The following ZNF462 variants were observed in gnomAD, a reference collection of about 807,000 sequenced individuals.
ZNF462 encodes the protein zinc finger protein 462, also known as zinc finger PBX1-interacting protein.
A neutral mutation model predicts 201.9 loss-of-function variants in ZNF462; 10 were observed. That is an observed-to-expected ratio of 0.05 (90% CI 0.03 to 0.08). The LOEUF is 0.08. Ranked by LOEUF, ZNF462 falls within the 10% of genes least tolerant of loss-of-function variation. ZNF462 has a pLI of 1.00. For synonymous variants in ZNF462, 1,227 were observed against 1,193.3 expected (o/e 1.03, Z -0.58); for missense variants, 2,523 against 3,168.3 (o/e 0.80, Z 4.89).
Position 106,939,048 on chromosome 9 carries a change from C to T in ZNF462, c.6368C>T (p.Ser2123Leu), listed in dbSNP as rs1830752455. ...CCACGGATCGTCAGTCTCCTCTCCTCACACTCCCACCACTCCTCCCAAAAA... is the reference window on the plus strand; with the variant it reads ...CCACGGATCGTCAGTCTCCTCTCCTTACACTCCCACCACTCCTCCCAAAAA... ...PRPRIVSLLSSHSHHSSQKAT... is the reference protein window; with the variant it reads ...PRPRIVSLLSLHSHHSSQKAT... Residue 2123 changes from serine to leucine, a missense_variant, in exon 7 of 13, where the codon TCA becomes TTA. Physicochemically the swap from Ser to Leu is moderately radical, Grantham distance 145. Coordinates refer to ENST00000277225, the MANE Select transcript of ZNF462 (RefSeq NM_021224.6). 4 of 1,613,916 alleles carry T rather than the reference C, an allele frequency of 2.5e-6. No individual in the cohort carries two copies. Among genetic ancestry groups the T allele is most frequent in the Non-Finnish European group, 2.5e-6 (3 of 1,179,908 alleles).
intron 1 of ZNF462, among the ~76,000 whole-genome samples, chr9:106,891,467 A>C (rs1419403059): frequency 6.6e-6 from 1 of 152,144 alleles, no homozygotes; most frequent in Non-Finnish European, 1.5e-5. Flanking sequence ...GAAACATAGT[A>C]AGTGGCCAGA....
At position 106,977,703 on chromosome 9, in the gene ZNF462, A is replaced by T. The variant is rs561243746; in HGVS notation, c.6832+3430A>T. The stretch of plus-strand genomic sequence containing the variant: ...CGTAGTATAGACAAGACAGTGAGTG[A>T]TGGGTATCTAGGTATATTTCTGTTT... On this transcript the variant is annotated intron_variant, in intron 9 of 12. Coordinates refer to ENST00000277225, the MANE Select transcript of ZNF462 (RefSeq NM_021224.6). The surrounding 1 kb of genome is among the most constrained non-coding windows in gnomAD (Gnocchi z 4.6). 6.6e-6 allele frequency among the ~76,000 whole-genome samples: 1 copy of T among 151,486 alleles called. No individual in the cohort carries two copies. The highest frequency in any genetic ancestry group is 2.5e-5 in the African/African-American group (1 of 40,798).
rs1264471236 is a variant in ZNF462 at position 106,905,128 on chromosome 9, A to G, written c.-30-18226A>G. Among the ~76,000 whole-genome samples the G allele has an allele frequency of 3.3e-5, 5 of 152,156 alleles. No homozygotes were observed. The highest frequency in any genetic ancestry group is 7.4e-5 in the Non-Finnish European group (5 of 68,016). On this transcript the variant is annotated intron_variant, in intron 1 of 12. Coordinates refer to ENST00000277225, the MANE Select transcript of ZNF462 (RefSeq NM_021224.6). The surrounding 1 kb of genome is among the most constrained non-coding windows in gnomAD (Gnocchi z 5.9). ...CCCAAGGGGTGTTCCCTTGATGTGT[A>G]GTACTCTCCCCCTTTTCCTATGGAT...
intron 1 of ZNF462, among the ~76,000 whole-genome samples, chr9:106,922,441 G>A (rs771007714): frequency 2.6e-5 from 4 of 152,136 alleles, no homozygotes; most frequent in Non-Finnish European, 4.4e-5. Context: ...TTTATTCCAC[G>A]GTAGGTTCAC....
At chr9:106,889,934 C>T (rs1828502449) in intron 1 of ZNF462, among the ~76,000 whole-genome samples, 1 of 152,180 alleles carries the variant, frequency 6.6e-6, no homozygotes, top group Admixed American at 6.5e-5. Flanking sequence ...TATTGGCTTA[C>T]CCAGGTGATT....
Position 106,924,323 on chromosome 9 carries a change from G to T in ZNF462, c.411G>T (p.Gly137=). ...TRKVHGAQAE[G]SSSGPPVPGS... ...AGGTCCATGGAGCTCAAGCTGAAGG[G>T]AGTTCATCAGGACCCCCTGTCCCGG... Residue 137 remains glycine (G), a synonymous_variant, in exon 3 of 13, where the codon GGG becomes GGT. Transcript: ENST00000277225. This position sits in a 1 kb window ranked among gnomAD's most constrained non-coding sequence, Gnocchi z 6.2. The T allele has an allele frequency of 1.2e-6, 2 of 1,614,110 alleles. No individual in the cohort carries two copies. Among genetic ancestry groups the T allele is most frequent in the Non-Finnish European group, 1.7e-6 (2 of 1,180,026 alleles).
rs545257794 is a variant in ZNF462, at chr9:107,009,142, T to A, written c.7190-403T>A. 1 of 173,478 alleles carries A rather than the reference T, an allele frequency of 5.8e-6. No homozygotes were observed. Among genetic ancestry groups the A allele is most frequent in the East Asian group, 1.5e-4 (1 of 6,618 alleles). The allele number at this position is 173,478 out of a possible 1,614,324, so 10.7% of individuals were successfully genotyped here. On this transcript the variant is annotated intron_variant, in intron 11 of 12. Transcript: ENST00000277225. This position sits in a 1 kb window ranked among gnomAD's most constrained non-coding sequence, Gnocchi z 6.1. Reference sequence around the variant, plus strand: ...CTATGTTCTTTTCAGTGAACAAAGATAAACCTGTGTCAAAAAGGAAATGAA... The same window carrying A: ...CTATGTTCTTTTCAGTGAACAAAGAAAAACCTGTGTCAAAAAGGAAATGAA...
At chr9:106,967,485 A>C (rs1049507459) in intron 7 of ZNF462, among the ~76,000 whole-genome samples, 1 of 152,004 alleles carries the variant, frequency 6.6e-6, no homozygotes, top group Non-Finnish European at 1.5e-5. Flanking sequence ...TCAAACTGTT[A>C]TTCTAGAGAG....
Position 106,981,007 on chromosome 9 carries a change from C to G in ZNF462, c.6833-3179C>G, listed in dbSNP as rs958260568. Among the ~76,000 whole-genome samples, 4 of 152,210 alleles carry G rather than the reference C, an allele frequency of 2.6e-5. No individual in the cohort carries two copies. The highest frequency in any genetic ancestry group is 7.2e-5 in the African/African-American group (3 of 41,456). Reference sequence around the variant, plus strand: ...AATGAATGACCTCATTCAGAAAACACTGTCAGTCATTTGCCCACCTTTTAA... The same window carrying G: ...AATGAATGACCTCATTCAGAAAACAGTGTCAGTCATTTGCCCACCTTTTAA... On this transcript the variant is annotated intron_variant, in intron 9 of 12. Coordinates refer to ENST00000277225, the MANE Select transcript of ZNF462 (RefSeq NM_021224.6). The surrounding 1 kb of genome is among the most constrained non-coding windows in gnomAD (Gnocchi z 4.0).
Position 106,938,232 on chromosome 9 carries a change from AAC to A in ZNF462, c.6236-675_6236-674del, listed in dbSNP as rs955851184. On this transcript the variant is annotated intron_variant, in intron 6 of 12. Transcript: ENST00000277225. The surrounding 1 kb of genome is among the most constrained non-coding windows in gnomAD (Gnocchi z 4.4). The stretch of plus-strand genomic sequence containing the variant: ...TCTTTATTGAAGAATATTGGAGATA[AAC>A]ACACACACTGTACCCCCTAAACCCC... Among the ~76,000 whole-genome samples the A allele has an allele frequency of 1.3e-5, 2 of 152,180 alleles. No homozygotes were observed. The highest frequency in any genetic ancestry group is 4.8e-5 in the African/African-American group (2 of 41,424).
chr9:106,960,704 T>G (rs1218034209), intron 7 of ZNF462, among the ~76,000 whole-genome samples: 1 of 152,120 alleles, frequency 6.6e-6, no homozygotes, highest in African/African-American at 2.4e-5. Context: ...CCCTACAAGT[T>G]TCCTGCCTGT....
At chr9:106,940,658 G>A (rs1288066848) in intron 7 of ZNF462, among the ~76,000 whole-genome samples, 1 of 152,134 alleles carries the variant, frequency 6.6e-6, no homozygotes, top group African/African-American at 2.4e-5. Flanking sequence ...TAACAAAGAA[G>A]GCTTGTTATG....
chr9:106,964,363 A>G (rs895451528), intron 7 of ZNF462, among the ~76,000 whole-genome samples: 2 of 152,052 alleles, frequency 1.3e-5, no homozygotes, highest in Non-Finnish European at 2.9e-5. Context: ...CATCCTAACT[A>G]GGGAATCCTT....
intron 1 of ZNF462, among the ~76,000 whole-genome samples, chr9:106,897,012 T>A (rs1828841528): frequency 6.6e-6 from 1 of 152,220 alleles, no homozygotes. Context: ...GAGAAACTAT[T>A]TAATTTGTTT....
rs559245682 is a variant in ZNF462 at position 106,919,051 on chromosome 9, A to T, written c.-30-4303A>T. 6.6e-6 allele frequency among the ~76,000 whole-genome samples: 1 copy of T among 152,370 alleles called. No homozygotes were observed. The highest frequency in any genetic ancestry group is 6.5e-5 in the Admixed American group (1 of 15,308). On this transcript the variant is annotated intron_variant, in intron 1 of 12. Transcript: ENST00000277225. This position sits in a 1 kb window ranked among gnomAD's most constrained non-coding sequence, Gnocchi z 4.5. ...TTATAATTAGTTGCTACTGAATCAC[A>T]TGGCTGTGGTGCTTCACAGCTTTAT...
chr9:106,932,961 A>T lies in ZNF462; in HGVS notation c.6116+412A>T, dbSNP rs1364087723. ...ACTATTAACCCATGTGACCAAAGAA[A>T]CATTGCTTGCAATTTTTCAAAAGAT... is the stretch of plus-strand genomic sequence containing the variant. On this transcript the variant is annotated intron_variant, in intron 5 of 12. Transcript: ENST00000277225. The surrounding 1 kb of genome is among the most constrained non-coding windows in gnomAD (Gnocchi z 6.8). 6.6e-6 allele frequency among the ~76,000 whole-genome samples: 1 copy of T among 152,210 alleles called. No individual in the cohort carries two copies. Among genetic ancestry groups the T allele is most frequent in the African/African-American group, 2.4e-5 (1 of 41,454 alleles).
At chr9:106,900,252 G>GTA (rs1214871987) in intron 1 of ZNF462, among the ~76,000 whole-genome samples, 6 of 119,766 alleles carry the variant, frequency 5.0e-5, no homozygotes, top group African/African-American at 1.9e-4. Context: ...GTGTGTGTGT[G>GTA]TATCTCACAG....
intron 1 of ZNF462, among the ~76,000 whole-genome samples, chr9:106,921,236 G>A (rs183729654): frequency 1.3e-5 from 2 of 152,316 alleles, no homozygotes; most frequent in Admixed American, 1.3e-4. Context: ...ATCCTGCTCT[G>A]ACCAGGGCTC....
chr9:106,930,495 G>A lies in ZNF462; in HGVS notation c.5848-30G>A. ...TCTGACAATTGAGGGAGGGCTCGGA[G>A]TACTGATGGCTACCACTGTATTTTA... On this transcript the variant is annotated intron_variant, in intron 3 of 12. Transcript: ENST00000277225. The surrounding 1 kb of genome is among the most constrained non-coding windows in gnomAD (Gnocchi z 5.8). 6.2e-7 allele frequency: 1 copy of A among 1,611,410 alleles called. No individual in the cohort carries two copies. Among genetic ancestry groups the A allele is most frequent in the Non-Finnish European group, 8.5e-7 (1 of 1,177,822 alleles).
Sources: gnomAD v4.1 joint callset for allele counts (sites outside exome capture counted in the v4.1 genomes callset) on GRCh38, gnomAD v4.1.1 for gene constraint, Gnocchi (gnomAD v3.1) non-coding constraint, MANE v1.5 for transcripts, NCBI Gene and HGNC (gene_info 2026-07-23, HGNC 2026-07-21) for gene names.